Variants in PLA2G4E observed in about 807,000 individuals in gnomAD.
PLA2G4E encodes the protein phospholipase A2 group IVE, also known as cytosolic phospholipase A2 epsilon.
In PLA2G4E, 84 loss-of-function variants were observed where a neutral mutation model predicts 109.1. That is an observed-to-expected ratio of 0.77 (90% CI 0.65 to 0.92). The LOEUF (loss-of-function observed/expected upper bound fraction) is 0.92. PLA2G4E is among the 40% of genes least tolerant of loss of function. PLA2G4E has a pLI of 0.00. For synonymous variants in PLA2G4E, 469 were observed against 436.1 expected (o/e 1.08, Z -0.94); for missense variants, 1,057 against 1,076.6 (o/e 0.98, Z 0.25).
intron 16 of PLA2G4E, among the ~76,000 whole-genome samples, chr15:41,987,838 C>T (rs939521666): frequency 4.6e-5 from 7 of 152,124 alleles, no homozygotes; most frequent in South Asian, 2.1e-4. Context: ...GCCTCATCCT[C>T]GGTTTGTGGT....
intron 1 of PLA2G4E, among the ~76,000 whole-genome samples, chr15:42,035,647 G>A (rs1338238639): frequency 1.3e-5 from 2 of 152,158 alleles, no homozygotes; most frequent in African/African-American, 4.8e-5. Context: ...TGGGCTTCAG[G>A]TTAATTTTTT....
intron 1 of PLA2G4E, among the ~76,000 whole-genome samples, chr15:42,014,987 C>T (rs540012639): frequency 2.6e-5 from 4 of 152,262 alleles, no homozygotes; most frequent in East Asian, 1.9e-4. Flanking sequence ...CCTGCTCACG[C>T]GGTGCTGATG....
At position 41,986,025 on chromosome 15, in the gene PLA2G4E, G is replaced by A. The variant is rs748996705; in HGVS notation, c.2036-20C>T. 27 of 1,575,300 alleles carry A rather than the reference G, an allele frequency of 1.7e-5. No individual in the cohort carries two copies. The highest frequency in any genetic ancestry group is 3.6e-5 in the Admixed American group (2 of 54,896). On this transcript the variant is annotated intron_variant, in intron 17 of 19. Coordinates refer to ENST00000399518, the Ensembl canonical transcript of PLA2G4E. ...CTGTGTCTGAAAGCCAAGCCTTCCC[G>A]TTACCAACACACCTGGTGCCCTGAC...
chr15:41,989,529 C>T lies in PLA2G4E; in HGVS notation c.1609G>A (p.Glu537Lys), dbSNP rs756536759. ...GCCCCATACTTCTGCAGGCCCACCT[C>T]GTAGGGGGAGAACTCGAACCACTCT... Residue 537 changes from glutamate to lysine, a missense_variant, in exon 15 of 20, where the codon GAG becomes AAG. By Grantham distance (56) the Glu-to-Lys change is moderately conservative. Transcript: ENST00000399518. 117 of 1,613,630 alleles carry T rather than the reference C, an allele frequency of 7.3e-5. No homozygotes were observed. Among genetic ancestry groups the T allele is most frequent in the Non-Finnish European group, 8.9e-5 (105 of 1,179,766 alleles).
exon 1 of PLA2G4E, chr15:42,050,652 C>T: frequency 1.3e-6 from 2 of 1,550,626 alleles, no homozygotes; most frequent in Non-Finnish European, 1.7e-6. Context: ...CTCTGTGGGA[C>T]AAACACATTA....
chr15:41,997,978 A>C (rs2068369180), intron 10 of PLA2G4E: 1 of 151,742 alleles, frequency 6.6e-6, no homozygotes, highest in Non-Finnish European at 1.5e-5. Flanking sequence ...TGATCTTTCC[A>C]AGCTCACCTC....
At chr15:42,037,988 C>T (rs932138612) in intron 1 of PLA2G4E, among the ~76,000 whole-genome samples, 7 of 152,186 alleles carry the variant, frequency 4.6e-5, no homozygotes, top group African/African-American at 9.7e-5. Context: ...ACGAACCCAG[C>T]GGACCCAAGC....
chr15:41,997,801 T>C (rs969923200), intron 10 of PLA2G4E: 5 of 152,248 alleles, frequency 3.3e-5, no homozygotes, highest in African/African-American at 1.2e-4. Flanking sequence ...TGTGTGCAAT[T>C]GACAAAAACC....
intron 16 of PLA2G4E, 110 bp downstream of exon 16, chr15:41,987,939 C>T: frequency 1.7e-6 from 1 of 573,720 alleles, no homozygotes; most frequent in Admixed American, 3.1e-5. Context: ...GGGCCGCCCC[C>T]CATCACCCAG....
At chr15:42,043,263 T>C (rs971794497) in intron 1 of PLA2G4E, among the ~76,000 whole-genome samples, 1 of 152,108 alleles carries the variant, frequency 6.6e-6, no homozygotes, top group East Asian at 1.9e-4. Flanking sequence ...GGCCCACCTT[T>C]GTTGCCTAAG....
At position 42,039,822 on chromosome 15, in the gene PLA2G4E, C is replaced by T. The variant is rs571787941; in HGVS notation, c.183+10699G>A. On this transcript the variant is annotated intron_variant, in intron 1 of 19. Transcript: ENST00000399518. Reference sequence around the variant, plus strand: ...CAGCTTGAAAAATTAACATACATACCTTGTTCTTAAATGGGAAAATAAAAT... The same window carrying T: ...CAGCTTGAAAAATTAACATACATACTTTGTTCTTAAATGGGAAAATAAAAT... 6.6e-5 allele frequency among the ~76,000 whole-genome samples: 10 copies of T among 152,148 alleles called. No homozygotes were observed. The South Asian group carries it at 2.1e-3, about 32-fold the overall frequency.
At chr15:42,032,628 G>A (rs1360989328) in intron 1 of PLA2G4E, among the ~76,000 whole-genome samples, 4 of 152,346 alleles carry the variant, frequency 2.6e-5, no homozygotes, top group South Asian at 2.1e-4. Context: ...AGAGGCAGCC[G>A]TGGTGTGGAC....
rs2068257918 is a variant in PLA2G4E at position 41,992,052 on chromosome 15, T to C, written c.1470+685A>G. Among the ~76,000 whole-genome samples, 3 of 152,118 alleles carry C rather than the reference T, an allele frequency of 2.0e-5. No homozygotes were observed. In the South Asian group the frequency reaches 6.2e-4, roughly 32 times the overall value. On this transcript the variant is annotated intron_variant, in intron 13 of 19. Transcript: ENST00000399518. ...GCCACCCAACACAGGCTGGTCCTCT[T>C]CTTGGGCACGTATTAGTCAGATCAC...
intron 1 of PLA2G4E, among the ~76,000 whole-genome samples, chr15:42,019,411 G>A (rs1432030571): frequency 4.6e-5 from 7 of 152,192 alleles, no homozygotes; most frequent in Admixed American, 3.9e-4. Flanking sequence ...TGGTGGATCC[G>A]ATGCCCATCG....
rs571022972 is a variant in PLA2G4E at position 41,988,243 on chromosome 15, C to G, written c.1724-87G>C. 2,056 of 875,274 alleles carry G rather than the reference C, an allele frequency of 2.3e-3. 11 individuals carry two copies. The highest frequency in any genetic ancestry group is 3.2e-3 in the Non-Finnish European group (1,892 of 594,130). 54.2% of individuals were successfully genotyped at this position (875,274 alleles called of 1,614,324 possible). A position where few individuals can be genotyped will look rare whatever the true frequency, so the allele number is the denominator to read the frequency against. ...TGATTCCCCACTCCCCCCACCCCCC[C>G]ACCCCACGCAAGCCAGGCTGCTCCA... On this transcript the variant is annotated intron_variant, in intron 15 of 19. Transcript: ENST00000399518.
At chr15:42,002,964 A>G (rs2141044948) in intron 5 of PLA2G4E, among the ~76,000 whole-genome samples, 1 of 152,324 alleles carries the variant, frequency 6.6e-6, no homozygotes, top group Middle Eastern at 3.4e-3. Flanking sequence ...ACTGTTTTTT[A>G]TGTCTAACCA....
rs555772035 is a variant in PLA2G4E at position 41,994,503 on chromosome 15, G to T, written c.1247+857C>A. ...CCAGGGCCACGCAGGGTTTTGATGG[G>T]CCCCACAAAAAATGTTTATATGTTT... On this transcript the variant is annotated intron_variant, in intron 12 of 19. Transcript: ENST00000399518. 7.2e-5 allele frequency among the ~76,000 whole-genome samples: 11 copies of T among 152,142 alleles called. No individual in the cohort carries two copies. In the East Asian group the frequency reaches 1.7e-3, roughly 24 times the overall value.
At chr15:41,989,389 C>T (rs1566835239) in intron 15 of PLA2G4E, 26 bp downstream of exon 15, 1 of 1,613,374 alleles carries the variant, frequency 6.2e-7, no homozygotes, top group Non-Finnish European at 8.5e-7. Context: ...AGCCCCCTGT[C>T]ATTCCGCCAG....
At chr15:42,043,694 G>A (rs1434967916) in intron 1 of PLA2G4E, among the ~76,000 whole-genome samples, 3 of 152,036 alleles carry the variant, frequency 2.0e-5, no homozygotes, top group African/African-American at 7.3e-5. Flanking sequence ...TCTAGAGTTA[G>A]AGAGACCCGA....
Sources: allele counts gnomAD v4.1 joint callset (sites outside exome capture counted in the v4.1 genomes callset), GRCh38; gene constraint gnomAD v4.1.1; transcripts MANE v1.5; gene names NCBI Gene and HGNC (gene_info 2026-07-23, HGNC 2026-07-21).